RBMS1: variants seen among roughly 807,000 people sequenced by gnomAD.
RBMS1 encodes RNA-binding motif, single-stranded-interacting protein 1.
In RBMS1, 17 loss-of-function variants were observed where a neutral mutation model predicts 62.3. That is an observed-to-expected ratio of 0.27 (90% CI 0.19 to 0.41). RBMS1 has a LOEUF of 0.41. Among genes scored for constraint, RBMS1 ranks in the 10% least tolerant of loss-of-function variants. The pLI is 1.00. For missense variants in RBMS1, 334 were observed against 504.5 expected, an observed-to-expected ratio of 0.66 and a Z score of 3.24; for synonymous variants, 172 against 170.0, an observed-to-expected ratio of 1.01 and a Z score of -0.09.
At chr2:160,434,659 A>G (rs1683042700) in intron 1 of RBMS1, among the ~76,000 whole-genome samples, 1 of 152,334 alleles carries the variant, frequency 6.6e-6, no homozygotes, top group East Asian at 1.9e-4. Flanking sequence ...AAGAAACTTA[A>G]TTTTTAAGTA....
chr2:160,368,453 T>C (rs1465470738), intron 1 of RBMS1, among the ~76,000 whole-genome samples: 1 of 152,190 alleles, frequency 6.6e-6, no homozygotes. Flanking sequence ...CAGGCATGTC[T>C]ATAGGAGACA....
At chr2:160,303,187 T>C in intron 5 of RBMS1, 143 bp downstream of exon 5, 1 of 755,076 alleles carries the variant, frequency 1.3e-6, no homozygotes. Context: ...TGCAGTCTGG[T>C]ATTTACACAT....
chr2:160,458,859 A>G (rs1343574877), intron 1 of RBMS1, among the ~76,000 whole-genome samples: 1 of 152,084 alleles, frequency 6.6e-6, no homozygotes, highest in Non-Finnish European at 1.5e-5. Context: ...TGTAAACTAT[A>G]TGCACAGTTA....
At chr2:160,475,355 A>G (rs1685080256) in intron 1 of RBMS1, among the ~76,000 whole-genome samples, 2 of 152,124 alleles carry the variant, frequency 1.3e-5, no homozygotes, top group African/African-American at 4.8e-5. Context: ...ATTGGTTCCA[A>G]TTGGAGGCAC....
intron 1 of RBMS1, among the ~76,000 whole-genome samples, chr2:160,443,206 GAAAACAAAAAAA>G (rs1414461287): frequency 5.8e-5 from 4 of 68,946 alleles, no homozygotes; most frequent in South Asian, 9.5e-4. Flanking sequence ...CTTGTCTTAA[GAAAACAAAAAAA>G]AAAACAAAAA....
At chr2:160,328,587 A>G (rs1691082589) in intron 2 of RBMS1, among the ~76,000 whole-genome samples, 2 of 152,154 alleles carry the variant, frequency 1.3e-5, no homozygotes, top group African/African-American at 2.4e-5. Context: ...ATGCCAATTT[A>G]GCTCAAAAAA....
chr2:160,345,199 G>A (rs1338033829), intron 2 of RBMS1, among the ~76,000 whole-genome samples: 1 of 152,070 alleles, frequency 6.6e-6, no homozygotes, highest in Non-Finnish European at 1.5e-5. Context: ...GAGTCCTAGA[G>A]ACTAGTAGAC....
chr2:160,294,191 T>G (rs746504575), intron 6 of RBMS1, among the ~76,000 whole-genome samples: 7 of 152,158 alleles, frequency 4.6e-5, no homozygotes, highest in African/African-American at 7.2e-5. Context: ...AAGCAATTAT[T>G]TTTTCCCCCA....
chr2:160,382,285 C>G (rs1047403732), intron 1 of RBMS1, among the ~76,000 whole-genome samples: 9 of 152,178 alleles, frequency 5.9e-5, no homozygotes, highest in African/African-American at 2.2e-4. Flanking sequence ...TTAATCATAT[C>G]ATTTTCCTCA....
At chr2:160,319,800 G>GA (rs201498148) in intron 2 of RBMS1, among the ~76,000 whole-genome samples, 122 of 150,646 alleles carry the variant, frequency 8.1e-4, no homozygotes, top group Middle Eastern at 3.4e-3. Flanking sequence ...TTATCTAGAA[G>GA]AAAAAAAAAT....
At chr2:160,396,198 T>C (rs1340583146) in intron 1 of RBMS1, among the ~76,000 whole-genome samples, 1 of 152,224 alleles carries the variant, frequency 6.6e-6, no homozygotes, top group Non-Finnish European at 1.5e-5. Context: ...GATAGTGAAA[T>C]TTTTTTAAAT....
At chr2:160,444,788 G>A (rs1352111882) in intron 1 of RBMS1, among the ~76,000 whole-genome samples, 1 of 152,244 alleles carries the variant, frequency 6.6e-6, no homozygotes, top group Non-Finnish European at 1.5e-5. Context: ...GAAGAGAGAG[G>A]AAGAGATCCC....
intron 7 of RBMS1, 47 bp downstream of exon 7, chr2:160,286,922 G>C: frequency 6.2e-7 from 1 of 1,609,328 alleles, no homozygotes; most frequent in Non-Finnish European, 8.5e-7. Flanking sequence ...GGGCATTCAA[G>C]ATCACACCCC....
At chr2:160,286,778 C>T (rs895643377) in intron 7 of RBMS1, among the ~76,000 whole-genome samples, 191 bp downstream of exon 7, 3 of 152,174 alleles carry the variant, frequency 2.0e-5, no homozygotes, top group Non-Finnish European at 2.9e-5. Flanking sequence ...ACTCTGTTAT[C>T]ACCATATATA....
chr2:160,354,349 G>A (rs577745894), intron 2 of RBMS1, among the ~76,000 whole-genome samples: 3 of 152,122 alleles, frequency 2.0e-5, no homozygotes, highest in Non-Finnish European at 2.9e-5. Context: ...TAGGGGTGGT[G>A]GAGGAAAATC....
chr2:160,439,074 C>T (rs1317630481), intron 1 of RBMS1, among the ~76,000 whole-genome samples: 146 of 151,086 alleles, frequency 9.7e-4, no homozygotes, highest in Middle Eastern at 7.0e-3. Flanking sequence ...GGGCTCCTCA[C>T]TTCCCAGTAG....
intron 2 of RBMS1, among the ~76,000 whole-genome samples, chr2:160,359,051 C>A (rs748171669): frequency 6.6e-6 from 1 of 152,150 alleles, no homozygotes; most frequent in South Asian, 2.1e-4. Flanking sequence ...AAAAAATCAT[C>A]TGTGGATATT....
intron 6 of RBMS1, among the ~76,000 whole-genome samples, chr2:160,294,527 T>C (rs1207265536): frequency 6.6e-6 from 1 of 152,216 alleles, no homozygotes; most frequent in Admixed American, 6.5e-5. Context: ...TCCTCCTGCT[T>C]AGTCATCTAG....
intron 1 of RBMS1, 87 bp downstream of exon 1, chr2:160,493,202 G>A (rs1311475406): frequency 1.7e-5 from 22 of 1,307,558 alleles, no homozygotes; most frequent in East Asian, 2.4e-5. Flanking sequence ...GCGGGGGTTC[G>A]CCGCGCGCCC....
Sources: gnomAD v4.1 joint callset for allele counts (sites outside exome capture counted in the v4.1 genomes callset) on GRCh38, gnomAD v4.1.1 for gene constraint, MANE v1.5 for transcripts, NCBI Gene and HGNC (gene_info 2026-07-23, HGNC 2026-07-21) for gene names.